TAMM41: variants seen among roughly 807,000 people sequenced by gnomAD.
The protein encoded by TAMM41 is TAM41 mitochondrial translocator assembly and maintenance homolog, also known as phosphatidate cytidylyltransferase, mitochondrial.
A neutral mutation model predicts 44.1 loss-of-function variants in TAMM41; 36 were observed. The observed-to-expected ratio is 0.82, with a 90% CI of 0.63 to 1.08. TAMM41 has a LOEUF of 1.08. Among genes scored for constraint, TAMM41 ranks in the 50% least tolerant of loss-of-function variants. The pLI, the probability that TAMM41 is intolerant of heterozygous loss-of-function variation, is 0.00. For missense variants in TAMM41, 417 were observed against 404.3 expected (o/e 1.03, Z -0.27); for synonymous variants, 164 against 153.1 (o/e 1.07, Z -0.53).
At chr3:11,725,270 TCCC>T in the TAMM41 span, among the ~76,000 whole-genome samples, 1 of 142,696 alleles carries the variant, frequency 7.0e-6, no homozygotes, top group African/African-American at 2.6e-5. Context: ...CTTTTCTTCC[TCCC>T]TCTTCTCCTC....
chr3:11,734,703 T>G, the TAMM41 span, among the ~76,000 whole-genome samples: 1 of 152,076 alleles, frequency 6.6e-6, no homozygotes, highest in Non-Finnish European at 1.5e-5. Context: ...TAATGAAGAC[T>G]GCATTCTAGT....
chr3:11,790,662 A>G, intron 7 of TAMM41, 81 bp from the exon 8 acceptor site: 4 of 1,315,154 alleles, frequency 3.0e-6, no homozygotes, highest in Non-Finnish European at 3.3e-6. Flanking sequence ...TTCTGAGCAG[A>G]CTTGTCTTTG....
downstream of TAMM41, chr3:11,790,315 T>C (rs1400508380): frequency 1.3e-5 from 8 of 612,616 alleles, no homozygotes; most frequent in Non-Finnish European, 2.0e-5. Flanking sequence ...TTTCTTCTGA[T>C]GCTAAGCCCT....
the TAMM41 span, among the ~76,000 whole-genome samples, chr3:11,771,633 A>C: frequency 6.6e-6 from 1 of 152,178 alleles, no homozygotes; most frequent in South Asian, 2.1e-4. Flanking sequence ...CCCAGGCTGG[A>C]GTGCAGTGGT....
intron 5 of TAMM41, among the ~76,000 whole-genome samples, chr3:11,813,040 G>A (rs1014191174): frequency 2.0e-5 from 3 of 152,266 alleles, no homozygotes; most frequent in Admixed American, 6.5e-5. Context: ...AGATCATGCA[G>A]GCTTTTATAG....
chr3:11,794,220 T>C (rs989679068), intron 7 of TAMM41, among the ~76,000 whole-genome samples: 17 of 151,682 alleles, frequency 1.1e-4, no homozygotes, highest in Admixed American at 2.0e-4. Context: ...CACTGGAGCC[T>C]CGATCTTCTG....
chr3:11,808,598 G>A (rs2077990422), intron 6 of TAMM41: 14 of 985,436 alleles, frequency 1.4e-5, no homozygotes, highest in Non-Finnish European at 1.7e-5. Flanking sequence ...ATGAAAACAG[G>A]AGAATGCACT....
At chr3:11,761,946 C>CAAAAAAAAAA in the TAMM41 span, among the ~76,000 whole-genome samples, 2 of 75,040 alleles carry the variant, frequency 2.7e-5, no homozygotes, top group African/African-American at 8.7e-5. Context: ...GACTCTGTCT[C>CAAAAAAAAAA]AAAAAAAAAA....
At chr3:11,760,615 C>T in the TAMM41 span, among the ~76,000 whole-genome samples, 1 of 152,074 alleles carries the variant, frequency 6.6e-6, no homozygotes, top group South Asian at 2.1e-4. Flanking sequence ...GGCTGGAGTG[C>T]AGTGGTGCAA....
chr3:11,790,926 C>T (rs868679172), intron 7 of TAMM41, among the ~76,000 whole-genome samples: 2 of 152,138 alleles, frequency 1.3e-5, no homozygotes, highest in African/African-American at 4.8e-5. Flanking sequence ...ACTGGGTCCC[C>T]GTTCTCTCAG....
the TAMM41 span, among the ~76,000 whole-genome samples, chr3:11,775,880 G>A: frequency 6.6e-6 from 1 of 152,232 alleles, no homozygotes; most frequent in South Asian, 2.1e-4. Flanking sequence ...TAAGAGAAGT[G>A]TGTGTGTGTG....
chr3:11,811,368 T>C (rs2078082105), intron 5 of TAMM41: 1 of 152,208 alleles, frequency 6.6e-6, no homozygotes, highest in Non-Finnish European at 1.5e-5. Flanking sequence ...TTGGGATTAG[T>C]TAGAATAAAC....
chr3:11,783,067 G>A, the TAMM41 span, among the ~76,000 whole-genome samples: 1 of 152,178 alleles, frequency 6.6e-6, no homozygotes, highest in Non-Finnish European at 1.5e-5. Context: ...GAGGGTGCTG[G>A]ACAAGAGCTT....
At chr3:11,841,851 C>T (rs2079460367) in intron 2 of TAMM41, among the ~76,000 whole-genome samples, 1 of 152,214 alleles carries the variant, frequency 6.6e-6, no homozygotes, top group Admixed American at 6.5e-5. Context: ...ACTAGCTGCA[C>T]AACCTTATGG....
At chr3:11,780,453 C>A in the TAMM41 span, among the ~76,000 whole-genome samples, 5 of 152,174 alleles carry the variant, frequency 3.3e-5, no homozygotes, top group Non-Finnish European at 4.4e-5. Context: ...ATTGGGAGAA[C>A]ACCAAGTGAC....
At chr3:11,794,670 T>C (rs1226508008) in intron 7 of TAMM41, among the ~76,000 whole-genome samples, 3 of 152,184 alleles carry the variant, frequency 2.0e-5, no homozygotes, top group Admixed American at 6.5e-5. Context: ...CTCTTCTGAT[T>C]TCCAGCTTGT....
At chr3:11,724,744 T>C in the TAMM41 span, 5 of 152,190 alleles carry the variant, frequency 3.3e-5, no homozygotes, top group African/African-American at 1.2e-4. Flanking sequence ...CCCTGTTTCA[T>C]AGTAAAACAT....
chr3:11,809,155 C>A, intron 6 of TAMM41: 1 of 309,818 alleles, frequency 3.2e-6, no homozygotes. Flanking sequence ...GCTGTGTTCT[C>A]GATGTTATAA....
intron 5 of TAMM41, 123 bp from the exon 6 acceptor site, chr3:11,809,805 C>T: frequency 1.1e-6 from 1 of 950,998 alleles, no homozygotes; most frequent in Non-Finnish European, 1.6e-6. Flanking sequence ...CCTGGCGAGG[C>T]AGCAAGCTAA....
Sources: gnomAD v4.1 joint callset for allele counts (sites outside exome capture counted in the v4.1 genomes callset) on GRCh38, gnomAD v4.1.1 for gene constraint, MANE v1.5 for transcripts, NCBI Gene and HGNC (gene_info 2026-07-23, HGNC 2026-07-21) for gene names.